The following PRKAG2 variants were observed in gnomAD, a reference collection of about 807,000 sequenced individuals.
PRKAG2 encodes the protein 5'-AMP-activated protein kinase subunit gamma-2.
A neutral mutation model predicts 69.6 loss-of-function variants in PRKAG2; 26 were observed. That is an observed-to-expected ratio of 0.37 (90% CI 0.27 to 0.52). The LOEUF (loss-of-function observed/expected upper bound fraction) is 0.52, where lower values mean the gene tolerates loss of function less well. Among genes scored for constraint, PRKAG2 ranks in the 20% least tolerant of loss-of-function variants. PRKAG2 has a pLI of 0.90. For missense variants in PRKAG2, 557 were observed against 740.0 expected, an observed-to-expected ratio of 0.75 and a Z score of 2.87; for synonymous variants, 293 against 285.0, an observed-to-expected ratio of 1.03 and a Z score of -0.28.
At chr7:151,604,745 C>T (rs1011124681) in intron 5 of PRKAG2, among the ~76,000 whole-genome samples, 6 of 152,322 alleles carry the variant, frequency 3.9e-5, no homozygotes, top group African/African-American at 9.6e-5. Context: ...GTCTGTCTCA[C>T]GATCCCGTCC....
At chr7:151,769,351 G>A (rs1181961706) in intron 3 of PRKAG2, among the ~76,000 whole-genome samples, 1 of 152,214 alleles carries the variant, frequency 6.6e-6, no homozygotes, top group Non-Finnish European at 1.5e-5. Context: ...CATTGCAGAT[G>A]TAGTCACTTA....
chr7:151,798,303 G>GT (rs1250859070), intron 1 of PRKAG2, among the ~76,000 whole-genome samples: 2 of 151,862 alleles, frequency 1.3e-5, no homozygotes, highest in South Asian at 4.2e-4. Flanking sequence ...TGTCCGGCCT[G>GT]TTTTTTTGTT....
chr7:151,763,513 C>T (rs1039783982), intron 3 of PRKAG2, among the ~76,000 whole-genome samples: 3 of 152,248 alleles, frequency 2.0e-5, no homozygotes, highest in African/African-American at 7.2e-5. Context: ...GCTTCTGACC[C>T]CAGGGCCTTG....
chr7:151,820,438 C>T (rs535122736), intron 1 of PRKAG2, among the ~76,000 whole-genome samples: 9 of 127,696 alleles, frequency 7.0e-5, no homozygotes, highest in South Asian at 2.5e-4. Flanking sequence ...CTCGGAACAC[C>T]GCTCCGTGGC....
intron 4 of PRKAG2, among the ~76,000 whole-genome samples, chr7:151,669,887 T>TGCACATACCTGCAC (rs1831634328): frequency 2.2e-5 from 3 of 133,442 alleles, no homozygotes; most frequent in South Asian, 2.4e-4. Flanking sequence ...CACAGTTGCA[T>TGCACATACCTGCAC]GCACACACAC....
intron 5 of PRKAG2, among the ~76,000 whole-genome samples, chr7:151,610,344 G>A (rs1273863673): frequency 6.6e-6 from 1 of 152,048 alleles, no homozygotes; most frequent in Non-Finnish European, 1.5e-5. Context: ...ACTCCAGCCT[G>A]GGCGACAGAG....
chr7:151,595,544 T>C, intron 5 of PRKAG2, 90 bp from the exon 6 acceptor site: 3 of 898,646 alleles, frequency 3.3e-6, no homozygotes, highest in Non-Finnish European at 5.4e-6. Flanking sequence ...ACTAACAGAC[T>C]TAATGGTAAA....
chr7:151,798,936 C>T (rs2077689271), intron 1 of PRKAG2, among the ~76,000 whole-genome samples: 1 of 152,174 alleles, frequency 6.6e-6, no homozygotes, highest in Non-Finnish European at 1.5e-5. Flanking sequence ...CTGCTCCTCC[C>T]CTGGCCCTTT....
At chr7:151,615,808 G>GA (rs1385219780) in intron 5 of PRKAG2, among the ~76,000 whole-genome samples, 2 of 152,076 alleles carry the variant, frequency 1.3e-5, no homozygotes, top group African/African-American at 4.8e-5. Flanking sequence ...ACAAGAATAT[G>GA]AAAAAAAGCT....
intron 1 of PRKAG2, among the ~76,000 whole-genome samples, chr7:151,839,148 A>G (rs1248577748): frequency 1.3e-5 from 2 of 152,146 alleles, no homozygotes; most frequent in Non-Finnish European, 2.9e-5. Flanking sequence ...AACTGCCCTC[A>G]GCCCCACCCC....
chr7:151,876,478 G>C (rs762758624), intron 1 of PRKAG2, 29 bp downstream of exon 1: 2 of 1,585,090 alleles, frequency 1.3e-6, no homozygotes, highest in African/African-American at 2.7e-5. Flanking sequence ...GGAGGGCTGG[G>C]GAGCAGGGGA....
At chr7:151,620,788 GATTAAAAAAATTTTTTTTTA>G (rs1821308531) in intron 5 of PRKAG2, among the ~76,000 whole-genome samples, 1 of 72,854 alleles carries the variant, frequency 1.4e-5, no homozygotes, top group Admixed American at 1.4e-4. Flanking sequence ...CTCCTTAATA[GATTAAAAAAATTTTTTTTTA>G]ATTAAAAAAA....
At chr7:151,625,908 T>C (rs999186773) in intron 5 of PRKAG2, among the ~76,000 whole-genome samples, 1 of 152,122 alleles carries the variant, frequency 6.6e-6, no homozygotes, top group African/African-American at 2.4e-5. Flanking sequence ...GAGAAGCCCA[T>C]ATCCAGTGCT....
At chr7:151,685,988 C>T (rs1197913751) in intron 3 of PRKAG2, among the ~76,000 whole-genome samples, 1 of 152,172 alleles carries the variant, frequency 6.6e-6, no homozygotes, top group African/African-American at 2.4e-5. Context: ...TGCCCTCTTT[C>T]CCTGTGAGAC....
At chr7:151,857,869 C>CCTTCT (rs2079825021) in intron 1 of PRKAG2, among the ~76,000 whole-genome samples, 1 of 152,250 alleles carries the variant, frequency 6.6e-6, no homozygotes, top group Non-Finnish European at 1.5e-5. Context: ...CAATCCCAAA[C>CCTTCT]GGTGATTTCC....
chr7:151,795,803 C>A (rs967200782), intron 1 of PRKAG2, among the ~76,000 whole-genome samples: 8 of 139,878 alleles, frequency 5.7e-5, no homozygotes, highest in Admixed American at 1.4e-4. Context: ...TCGGGACTTT[C>A]CAGTTCCGAC....
At chr7:151,577,121 TG>T (rs1382884284) in intron 6 of PRKAG2, among the ~76,000 whole-genome samples, 1 of 152,060 alleles carries the variant, frequency 6.6e-6, no homozygotes, top group Non-Finnish European at 1.5e-5. Flanking sequence ...ACACTGAAGT[TG>T]TATCAAATTA....
At chr7:151,714,941 C>T (rs1009062999) in intron 3 of PRKAG2, among the ~76,000 whole-genome samples, 1 of 150,880 alleles carries the variant, frequency 6.6e-6, no homozygotes, top group Non-Finnish European at 1.5e-5. Flanking sequence ...CAGAGCGAGA[C>T]TCCATCTCAA....
At chr7:151,848,814 C>T (rs1442076818) in intron 1 of PRKAG2, among the ~76,000 whole-genome samples, 12 of 152,090 alleles carry the variant, frequency 7.9e-5, no homozygotes, top group Admixed American at 2.0e-4. Flanking sequence ...CGTGAGCCAC[C>T]GCACCCAGCC....
Sources: gnomAD v4.1 joint callset for allele counts (sites outside exome capture counted in the v4.1 genomes callset) on GRCh38, gnomAD v4.1.1 for gene constraint, MANE v1.5 for transcripts, NCBI Gene and HGNC (gene_info 2026-07-23, HGNC 2026-07-21) for gene names.